Variants in GLIS3 observed in about 807,000 individuals in gnomAD.
The protein encoded by GLIS3 is GLIS family zinc finger 3, also known as zinc finger protein GLIS3.
A neutral mutation model predicts 78.6 loss-of-function variants in GLIS3; 53 were observed. The observed-to-expected ratio is 0.67, with a 90% CI of 0.54 to 0.85. The LOEUF (loss-of-function observed/expected upper bound fraction) is 0.85. GLIS3 is among the 40% of genes least tolerant of loss of function. The pLI is 0.00. For missense variants in GLIS3, 1,703 were observed against 1,231.1 expected (o/e 1.38, Z -5.74); for synonymous variants, 684 against 509.9 (o/e 1.34, Z -4.60).
the GLIS3 span, among the ~76,000 whole-genome samples, chr9:4,388,014 G>C: frequency 5.9e-5 from 9 of 152,228 alleles, no homozygotes; most frequent in African/African-American, 9.6e-5. Context: ...CCCATGATGT[G>C]GGTTAAAAGG....
At chr9:4,261,520 G>A (rs915379596) in intron 2 of GLIS3, among the ~76,000 whole-genome samples, 2 of 152,114 alleles carry the variant, frequency 1.3e-5, no homozygotes, top group Admixed American at 6.6e-5. Flanking sequence ...TTTTCTTACT[G>A]CTCAGAGTAA....
chr9:3,941,733 C>G (rs1487324641), intron 4 of GLIS3, among the ~76,000 whole-genome samples: 1 of 152,192 alleles, frequency 6.6e-6, no homozygotes, highest in Non-Finnish European at 1.5e-5. Context: ...TGCATGAAGC[C>G]TCACTTTGAG....
At chr9:4,055,217 G>A (rs1826050942) in intron 4 of GLIS3, among the ~76,000 whole-genome samples, 1 of 152,156 alleles carries the variant, frequency 6.6e-6, no homozygotes, top group Non-Finnish European at 1.5e-5. Flanking sequence ...AATAGAGTTG[G>A]CAAGAGCCTC....
chr9:4,162,117 G>A (rs972560407), intron 2 of GLIS3, among the ~76,000 whole-genome samples: 2 of 152,076 alleles, frequency 1.3e-5, no homozygotes, highest in Admixed American at 6.5e-5. Context: ...TCAGTTTATA[G>A]ATATGTGATC....
At chr9:4,217,559 T>A (rs991148578) in intron 2 of GLIS3, among the ~76,000 whole-genome samples, 1 of 152,206 alleles carries the variant, frequency 6.6e-6, no homozygotes, top group Admixed American at 6.5e-5. Flanking sequence ...GTCACTGTGT[T>A]TAAGGCAGGC....
At position 4,011,398 on chromosome 9, in the gene GLIS3, C is replaced by T. The variant is rs534665719; in HGVS notation, c.1711-74209G>A. Among the ~76,000 whole-genome samples the T allele has an allele frequency of 9.2e-5, 14 of 152,286 alleles. No individual in the cohort carries two copies. In the South Asian group the frequency reaches 2.9e-3, roughly 32 times the overall value. ...GCAAATGACCAGAAGACAAAGAGAA[C>T]ATAGAAATGTGTTTTGTTACGAGGC... On this transcript the variant is annotated intron_variant, in intron 4 of 10. Transcript: ENST00000381971.
At chr9:4,473,714 G>A in the GLIS3 span, among the ~76,000 whole-genome samples, 1 of 151,926 alleles carries the variant, frequency 6.6e-6, no homozygotes, top group African/African-American at 2.4e-5. Context: ...AAAATAATCT[G>A]TACAACAAAC....
the GLIS3 span, among the ~76,000 whole-genome samples, chr9:4,478,964 G>C: frequency 9.3e-4 from 142 of 152,296 alleles, no homozygotes; most frequent in Non-Finnish European, 1.7e-3. Flanking sequence ...ATTGGGGATA[G>C]AGAAAAAATT....
intron 4 of GLIS3, among the ~76,000 whole-genome samples, chr9:4,058,754 G>A (rs796555559): frequency 2.0e-4 from 31 of 152,226 alleles, no homozygotes; most frequent in African/African-American, 7.5e-4. Context: ...GCCAAGGCGG[G>A]CGGATCACGA....
In GLIS3 at chr9:3,828,040, A is replaced by C; in HGVS notation, c.*232T>G. The C allele has an allele frequency of 1.2e-5, 7 of 566,332 alleles. No individual in the cohort carries two copies. Among genetic ancestry groups the C allele is most frequent in the South Asian group, 1.2e-4 (6 of 49,684 alleles). 35.1% of individuals were successfully genotyped at this position (566,332 alleles called of 1,614,324 possible). A position where few individuals can be genotyped will look rare whatever the true frequency, so the allele number is the denominator to read the frequency against. On this transcript the variant is annotated 3_prime_UTR_variant, in exon 11 of 11. Transcript: ENST00000381971. Reference sequence around the variant, plus strand: ...GGCTCTAAATTCCCTTTGAAAAGACAGTCCTCCTGGTCACATAGTCCAGGA... The same window carrying C: ...GGCTCTAAATTCCCTTTGAAAAGACCGTCCTCCTGGTCACATAGTCCAGGA...
intron 2 of GLIS3, among the ~76,000 whole-genome samples, chr9:4,214,683 CGCT>C (rs1237107668): frequency 6.6e-6 from 1 of 152,194 alleles, no homozygotes; most frequent in Non-Finnish European, 1.5e-5. Context: ...TCTCTAAGGA[CGCT>C]GTATTCTTTC....
chr9:4,469,284 A>T, the GLIS3 span, among the ~76,000 whole-genome samples: 1 of 152,192 alleles, frequency 6.6e-6, no homozygotes, highest in Non-Finnish European at 1.5e-5. Flanking sequence ...CACCAAGCAG[A>T]CCTAATAGAC....
chr9:4,379,458 G>A, the GLIS3 span, among the ~76,000 whole-genome samples: 1 of 152,208 alleles, frequency 6.6e-6, no homozygotes, highest in Non-Finnish European at 1.5e-5. Flanking sequence ...AGCCCTTTTG[G>A]AAGATTGACA....
At chr9:4,217,509 T>C (rs1820962523) in intron 2 of GLIS3, among the ~76,000 whole-genome samples, 1 of 152,166 alleles carries the variant, frequency 6.6e-6, no homozygotes. Context: ...ACTGTCCATG[T>C]GTCTCAAGGT....
chr9:4,484,456 C>G, the GLIS3 span, among the ~76,000 whole-genome samples: 1 of 128,330 alleles, frequency 7.8e-6, no homozygotes, highest in African/African-American at 3.0e-5. Context: ...TCTTGCTCTG[C>G]TGCCTAGGCT....
At chr9:3,836,226 A>T (rs1331451433) in intron 9 of GLIS3, among the ~76,000 whole-genome samples, 2 of 152,232 alleles carry the variant, frequency 1.3e-5, no homozygotes, top group African/African-American at 4.8e-5. Flanking sequence ...ATAAGCAGAT[A>T]TCAGCGGCAG....
At chr9:4,074,179 C>A (rs937953946) in intron 4 of GLIS3, among the ~76,000 whole-genome samples, 1 of 152,116 alleles carries the variant, frequency 6.6e-6, no homozygotes, top group African/African-American at 2.4e-5. Context: ...TAGGGATGGT[C>A]AATATCATGA....
chr9:4,069,794 G>A (rs1264897091), intron 4 of GLIS3, among the ~76,000 whole-genome samples: 1 of 151,842 alleles, frequency 6.6e-6, no homozygotes, highest in African/African-American at 2.4e-5. Flanking sequence ...GAAAGATTTG[G>A]GAATCATTCT....
intron 4 of GLIS3, among the ~76,000 whole-genome samples, chr9:3,951,978 A>C (rs76372039): frequency 0.018 from 2,673 of 151,874 alleles, 89 homozygotes; most frequent in African/African-American, 0.061. Context: ...CACTGGCACA[A>C]TGACTGAACT....
Sources: gnomAD v4.1 joint callset for allele counts (sites outside exome capture counted in the v4.1 genomes callset) on GRCh38, gnomAD v4.1.1 for gene constraint, MANE v1.5 for transcripts, NCBI Gene and HGNC (gene_info 2026-07-23, HGNC 2026-07-21) for gene names.